RNF168: variants seen among roughly 807,000 people sequenced by gnomAD.
RNF168 encodes the protein E3 ubiquitin-protein ligase RNF168.
RNF168 carries 34 observed loss-of-function variants against 34.9 expected under a neutral mutation model. The ratio of observed to expected loss-of-function variants is 0.97; its 90% confidence interval spans 0.74 to 1.30. RNF168 has a LOEUF of 1.30. Ranked by LOEUF, RNF168 falls within the 50% of genes most tolerant of loss-of-function variation. The pLI, the probability that RNF168 is intolerant of heterozygous loss-of-function variation, is 0.00. For synonymous variants in RNF168, 264 were observed against 254.7 expected, an observed-to-expected ratio of 1.04 and a Z score of -0.35; for missense variants, 725 against 682.5, an observed-to-expected ratio of 1.06 and a Z score of -0.69.
At chr3:196,502,796 T>C (rs1732933182) in intron 1 of RNF168, 77 bp downstream of exon 1, 6 of 1,365,840 alleles carry the variant, frequency 4.4e-6, no homozygotes, top group Non-Finnish European at 6.2e-6. Flanking sequence ...GTTTTTACTT[T>C]TTAAATGGAA....
intron 1 of RNF168, among the ~76,000 whole-genome samples, chr3:196,502,054 GAAAAAAAAAAAAAAAAA>G (rs554041803): frequency 2.0e-5 from 1 of 50,056 alleles, no homozygotes; most frequent in African/African-American, 7.0e-5. Flanking sequence ...AAAAAAATTA[GAAAAAAAAAAAAAAAAA>G]AAAAAAAAAA....
chr3:196,485,777 C>CAT (rs1732408402), intron 3 of RNF168, among the ~76,000 whole-genome samples: 1 of 94,202 alleles, frequency 1.1e-5, no homozygotes, highest in South Asian at 3.3e-4. Flanking sequence ...AGTGTATATA[C>CAT]ATATATATTT....
rs1732963877 is a variant in RNF168, at chr3:196,503,644, G to A, written c.-471C>T. The A allele has an allele frequency of 1.4e-5, 3 of 217,202 alleles. No homozygotes were observed. The South Asian group carries it at 1.7e-4, about 12-fold the overall frequency. 13.5% of individuals were successfully genotyped at this position (217,202 alleles called of 1,614,324 possible). A position where few individuals can be genotyped will look rare whatever the true frequency, so the allele number is the denominator to read the frequency against. ...TCCGCTTTACCGCTGCTGCGGGGGA[G>A]ACGCGCGACTCCCGTGTTCACCTTT... is the stretch of plus-strand genomic sequence containing the variant. On this transcript the variant is annotated 5_prime_UTR_variant, in exon 1 of 6. Coordinates refer to ENST00000318037, the MANE Select transcript of RNF168 (RefSeq NM_152617.4).
At chr3:196,481,682 G>GGTTTTTTTTTT (rs1577512919) in intron 4 of RNF168, among the ~76,000 whole-genome samples, 2 of 62,362 alleles carry the variant, frequency 3.2e-5, no homozygotes, top group African/African-American at 1.3e-4. Flanking sequence ...TTTCAGCTGC[G>GGTTTTTTTTTT]TTTTTTTTTT....
chr3:196,496,318 C>T (rs10470712), intron 1 of RNF168, among the ~76,000 whole-genome samples: 3,265 of 147,072 alleles, frequency 0.022, 124 homozygotes, highest in African/African-American at 0.086. Context: ...GGGGATCCTT[C>T]CTTGCCTCTT....
In RNF168 at chr3:196,469,771, G is replaced by C. The variant is rs1296471678; in HGVS notation, c.*2048C>G. 2 of 152,088 alleles carry C rather than the reference G, an allele frequency of 1.3e-5. No individual in the cohort carries two copies. Among genetic ancestry groups the C allele is most frequent in the East Asian group, 3.9e-4 (2 of 5,188 alleles). The allele number at this position is 152,088 out of a possible 1,614,324, so 9.4% of individuals were successfully genotyped here. On this transcript the variant is annotated 3_prime_UTR_variant, in exon 6 of 6. Transcript: ENST00000318037. ...AAATAAAAGCAGTATCAACACAAAT[G>C]ATCATATAAGAAAACACGTGGTTAT...
chr3:196,493,012 G>C (rs929793792), intron 1 of RNF168, among the ~76,000 whole-genome samples: 1 of 151,926 alleles, frequency 6.6e-6, no homozygotes, highest in Non-Finnish European at 1.5e-5. Flanking sequence ...CGACTAAGAA[G>C]AACATATGAG....
In RNF168 at chr3:196,499,820, A is replaced by G. The variant is rs530910770; in HGVS notation, c.301+3053T>C. Among the ~76,000 whole-genome samples, 11 of 152,350 alleles carry G rather than the reference A, an allele frequency of 7.2e-5. No homozygotes were observed. In the South Asian group the frequency reaches 2.3e-3, roughly 32 times the overall value. ...TTTTGGGAGAAAAACAGAAACAAAA[A>G]GAATGAATGAGCACAGGATTTGAAT... On this transcript the variant is annotated intron_variant, in intron 1 of 5. Transcript: ENST00000318037.
intron 1 of RNF168, among the ~76,000 whole-genome samples, chr3:196,499,446 C>T (rs1313760983): frequency 1.3e-5 from 2 of 152,158 alleles, no homozygotes; most frequent in African/African-American, 4.8e-5. Flanking sequence ...GTTCGTGGTA[C>T]TTTGTTACAG....
At chr3:196,497,449 ATCACGAGG>A (rs1732770273) in intron 1 of RNF168, among the ~76,000 whole-genome samples, 2 of 152,246 alleles carry the variant, frequency 1.3e-5, no homozygotes, top group South Asian at 4.1e-4. Context: ...AGGCAGGCGG[ATCACGAGG>A]TCAGGACTTC....
intron 4 of RNF168, among the ~76,000 whole-genome samples, chr3:196,475,933 C>T (rs950798048): frequency 1.3e-5 from 2 of 151,250 alleles, no homozygotes; most frequent in African/African-American, 4.9e-5. Context: ...GATCTCAGCT[C>T]ACTGCAACCT....
chr3:196,498,989 T>G (rs937889960), intron 1 of RNF168, among the ~76,000 whole-genome samples: 5 of 147,884 alleles, frequency 3.4e-5, no homozygotes, highest in Admixed American at 1.3e-4. Flanking sequence ...AACAAGACTG[T>G]CTCAAAAAAA....
intron 4 of RNF168, among the ~76,000 whole-genome samples, chr3:196,482,539 GATAC>G (rs1732322468): frequency 6.6e-6 from 1 of 152,084 alleles, no homozygotes; most frequent in Non-Finnish European, 1.5e-5. Context: ...CTGCAGCCAC[GATAC>G]CACTTTACAT....
At position 196,472,764 on chromosome 3, in the gene RNF168, G is replaced by C. The variant is rs1732043730; in HGVS notation, c.771C>G (p.Asp257Glu). 6.3e-7 allele frequency: 1 copy of C among 1,599,690 alleles called. No homozygotes were observed. Among genetic ancestry groups the C allele is most frequent in the Non-Finnish European group, 8.6e-7 (1 of 1,167,578 alleles). ...CTGTTGGGCTTTTCCTATCACTACT[G>C]TCAATGTCCTGTAGAAAACAGAAAA... ...VRKDSVSKDI[D>E]SSDRKSPTGQ... The change falls in exon 6 of 6, where the codon GAC becomes GAG. Residue 257 changes from aspartate to glutamate, a missense_variant. Asp to Glu is a conservative substitution (Grantham distance 45). Coordinates refer to ENST00000318037, the MANE Select transcript of RNF168 (RefSeq NM_152617.4).
At chr3:196,480,313 A>C (rs2108647278) in intron 4 of RNF168, among the ~76,000 whole-genome samples, 1 of 152,312 alleles carries the variant, frequency 6.6e-6, no homozygotes, top group South Asian at 2.1e-4. Flanking sequence ...TATGCTTATT[A>C]CTTGGTTGAA....
intron 4 of RNF168, 38 bp downstream of exon 4, chr3:196,483,732 A>C (rs1732350148): frequency 6.4e-7 from 1 of 1,564,120 alleles, no homozygotes; most frequent in South Asian, 1.1e-5. Flanking sequence ...GGCATACAGT[A>C]GGAGGTCAAC....
rs1029683143 is a variant in RNF168, at chr3:196,500,253, C to G, written c.301+2620G>C. Among the ~76,000 whole-genome samples, 10 of 152,270 alleles carry G rather than the reference C, an allele frequency of 6.6e-5. No homozygotes were observed. In the East Asian group the frequency reaches 1.7e-3, roughly 26 times the overall value. ...TAATAGCCGAGAAGTGGAAGCAAGC[C>G]AAGTGTCCACTGACAGAGGAACAGA... On this transcript the variant is annotated intron_variant, in intron 1 of 5. Transcript: ENST00000318037.
At chr3:196,487,659 T>G (rs1577516543) in intron 2 of RNF168, 81 bp from the exon 3 acceptor site, 1 of 1,338,706 alleles carries the variant, frequency 7.5e-7, no homozygotes, top group East Asian at 2.3e-5. Flanking sequence ...AATAGAAAAG[T>G]AGAAAAAGAA....
intron 4 of RNF168, among the ~76,000 whole-genome samples, chr3:196,475,854 A>AT (rs11436878): frequency 0.56 from 81,441 of 145,462 alleles, 23,231 homozygotes; most frequent in Middle Eastern, 0.64. Context: ...CCGGCTAAAT[A>AT]TTTTTTTTTC....
Sources: gnomAD v4.1 joint callset for allele counts (sites outside exome capture counted in the v4.1 genomes callset) on GRCh38, gnomAD v4.1.1 for gene constraint, MANE v1.5 for transcripts, NCBI Gene and HGNC (gene_info 2026-07-23, HGNC 2026-07-21) for gene names.